Variants in TCF12 observed in about 807,000 individuals in gnomAD.
The protein encoded by TCF12 is DNA-binding protein HTF4.
TCF12 carries 45 observed loss-of-function variants against 86.0 expected under a neutral mutation model. That is an observed-to-expected ratio of 0.52 (90% CI 0.41 to 0.67). The LOEUF is 0.67. TCF12 is among the 30% of genes least tolerant of loss of function. TCF12 has a pLI of 0.00. For missense variants in TCF12, 881 were observed against 859.9 expected (o/e 1.02, Z -0.31); for synonymous variants, 330 against 299.6 (o/e 1.10, Z -1.05).
chr15:57,124,534 G>A (rs911493336), intron 5 of TCF12, among the ~76,000 whole-genome samples: 6 of 152,086 alleles, frequency 3.9e-5, no homozygotes, highest in Non-Finnish European at 8.8e-5. Context: ...GGTATTGCAG[G>A]TAACAGCTAC....
chr15:56,952,189 T>TACAC (rs58480587), intron 3 of TCF12, among the ~76,000 whole-genome samples: 33,476 of 150,270 alleles, frequency 0.22, 4,101 homozygotes, highest in Middle Eastern at 0.33. Context: ...TTTGTGTATA[T>TACAC]ACACACACAC....
intron 3 of TCF12, among the ~76,000 whole-genome samples, chr15:56,952,827 T>A (rs2061342423): frequency 6.6e-6 from 1 of 152,184 alleles, no homozygotes; most frequent in Non-Finnish European, 1.5e-5. Flanking sequence ...TAATTTTACT[T>A]CTTGCTTTCC....
intron 3 of TCF12, among the ~76,000 whole-genome samples, chr15:56,936,182 G>GCCA (rs2060463817): frequency 6.6e-6 from 1 of 152,222 alleles, no homozygotes; most frequent in African/African-American, 2.4e-5. Flanking sequence ...TCTTGTGAGA[G>GCCA]TAAGGTGGTA....
intron 3 of TCF12, among the ~76,000 whole-genome samples, chr15:56,939,491 C>A (rs2060629966): frequency 6.6e-6 from 1 of 152,048 alleles, no homozygotes; most frequent in Non-Finnish European, 1.5e-5. Flanking sequence ...GTTTTACTTA[C>A]CCTAACATTT....
chr15:57,160,767 A>C (rs2054448839), intron 5 of TCF12, among the ~76,000 whole-genome samples: 1 of 152,018 alleles, frequency 6.6e-6, no homozygotes, highest in Non-Finnish European at 1.5e-5. Context: ...ATCATAGCTC[A>C]CTGCGGCCTC....
intron 3 of TCF12, among the ~76,000 whole-genome samples, chr15:57,022,403 T>A (rs2065549641): frequency 6.6e-6 from 1 of 152,236 alleles, no homozygotes; most frequent in South Asian, 2.1e-4. Context: ...GAACTCATCC[T>A]TTTTATGGCT....
At chr15:57,253,640 ATCT>A (rs1225947427) in intron 16 of TCF12, among the ~76,000 whole-genome samples, 172 bp downstream of exon 16, 1 of 152,300 alleles carries the variant, frequency 6.6e-6, no homozygotes, top group Non-Finnish European at 1.5e-5. Context: ...AGTCCATAAA[ATCT>A]TCTTGTGACC....
At chr15:56,952,039 A>C (rs2061299224) in intron 3 of TCF12, among the ~76,000 whole-genome samples, 1 of 152,170 alleles carries the variant, frequency 6.6e-6, no homozygotes, top group African/African-American at 2.4e-5. Context: ...TATGGATTGA[A>C]GTTTTTTTGT....
At chr15:57,247,973 C>T (rs1172884037) in intron 13 of TCF12, 3 of 734,446 alleles carry the variant, frequency 4.1e-6, no homozygotes, top group Admixed American at 1.8e-5. Context: ...GAATCATGGC[C>T]CTTCTCCCCC....
At chr15:57,196,701 T>C (rs778084430) in intron 7 of TCF12, among the ~76,000 whole-genome samples, 1 of 152,228 alleles carries the variant, frequency 6.6e-6, no homozygotes, top group Non-Finnish European at 1.5e-5. Flanking sequence ...GAAATACTCA[T>C]GTTTTCATTT....
At position 57,177,633 on chromosome 15, in the gene TCF12, A is replaced by AGAGAGAGAGAGAGAGT. The variant is rs1362152149; in HGVS notation, c.390+11172_390+11173insAGAGAGAGAGTGAGAG. On this transcript the variant is annotated intron_variant, in intron 6 of 20. Coordinates refer to ENST00000333725, the MANE Select transcript of TCF12 (RefSeq NM_207037.2). ...CAGAGAGAGAGAGAGAGAGAGAGAG[A>AGAGAGAGAGAGAGAGT]GAGAGTTGGATTAGGCAGGGCCTAC... Among the ~76,000 whole-genome samples, 5 of 151,742 alleles carry AGAGAGAGAGAGAGAGT rather than the reference A, an allele frequency of 3.3e-5. No homozygotes were observed. In the East Asian group the frequency reaches 9.7e-4, roughly 30 times the overall value.
chr15:56,942,870 A>G (rs1446774214), intron 3 of TCF12, among the ~76,000 whole-genome samples: 4 of 152,178 alleles, frequency 2.6e-5, no homozygotes, highest in African/African-American at 9.6e-5. Flanking sequence ...ATCTATTTGC[A>G]GTGGCTTTCA....
At chr15:57,087,369 G>T (rs1242222683) in intron 4 of TCF12, among the ~76,000 whole-genome samples, 2 of 147,792 alleles carry the variant, frequency 1.4e-5, no homozygotes, top group Non-Finnish European at 3.0e-5. Flanking sequence ...CTGTGATCAT[G>T]CCACTGCACT....
At chr15:57,019,110 C>T (rs372260097) in intron 3 of TCF12, among the ~76,000 whole-genome samples, 14 of 152,148 alleles carry the variant, frequency 9.2e-5, no homozygotes, top group African/African-American at 3.4e-4. Flanking sequence ...AGGAATCAAC[C>T]TAACAAGAAA....
intron 4 of TCF12, among the ~76,000 whole-genome samples, chr15:57,081,499 C>T (rs933753061): frequency 2.6e-5 from 4 of 152,134 alleles, no homozygotes; most frequent in African/African-American, 7.2e-5. Context: ...CAAATGGTAT[C>T]GCCAAATGTA....
intron 6 of TCF12, among the ~76,000 whole-genome samples, chr15:57,184,377 T>G (rs1320048418): frequency 2.0e-5 from 3 of 152,188 alleles, no homozygotes; most frequent in Admixed American, 1.3e-4. Context: ...TAAATCACTC[T>G]CTTATATTCC....
At chr15:57,186,173 A>C (rs2151674820) in intron 6 of TCF12, among the ~76,000 whole-genome samples, 1 of 152,300 alleles carries the variant, frequency 6.6e-6, no homozygotes, top group East Asian at 1.9e-4. Context: ...CCAGTAAAGA[A>C]ATAGAATTAG....
chr15:56,964,551 A>G (rs1395991599), intron 3 of TCF12, among the ~76,000 whole-genome samples: 1 of 152,092 alleles, frequency 6.6e-6, no homozygotes, highest in Admixed American at 6.5e-5. Flanking sequence ...TCTAAACACT[A>G]CTCAAGTTTT....
intron 19 of TCF12, among the ~76,000 whole-genome samples, chr15:57,278,339 C>T (rs1214338100): frequency 6.6e-6 from 1 of 151,832 alleles, no homozygotes; most frequent in East Asian, 1.9e-4. Context: ...GAAAGGTTTC[C>T]AAGGAAAGAA....
Sources: gnomAD v4.1 joint callset for allele counts (sites outside exome capture counted in the v4.1 genomes callset) on GRCh38, gnomAD v4.1.1 for gene constraint, MANE v1.5 for transcripts, NCBI Gene and HGNC (gene_info 2026-07-23, HGNC 2026-07-21) for gene names.